Variants in KCNMB2 observed in about 807,000 individuals in gnomAD.
KCNMB2 encodes the protein calcium-activated potassium channel subunit beta-2.
KCNMB2 carries 9 observed loss-of-function variants against 24.5 expected under a neutral mutation model. That is an observed-to-expected ratio of 0.37 (90% CI 0.22 to 0.64). The LOEUF (loss-of-function observed/expected upper bound fraction) is 0.64. Ranked by LOEUF, KCNMB2 falls within the 30% of genes least tolerant of loss-of-function variation. The pLI, the probability that KCNMB2 is intolerant of heterozygous loss-of-function variation, is 0.63. For synonymous variants in KCNMB2, 109 were observed against 104.4 expected, an observed-to-expected ratio of 1.04 and a Z score of -0.27; for missense variants, 226 against 284.3, an observed-to-expected ratio of 0.79 and a Z score of 1.47.
chr3:178,709,771 A>T (rs1398248297), intron 1 of KCNMB2, among the ~76,000 whole-genome samples: 1 of 152,146 alleles, frequency 6.6e-6, no homozygotes, highest in Non-Finnish European at 1.5e-5. Flanking sequence ...CAATCCTGGT[A>T]TTTGTTTCCC....
chr3:178,598,604 G>C (rs1717963795), intron 1 of KCNMB2, among the ~76,000 whole-genome samples: 1 of 152,008 alleles, frequency 6.6e-6, no homozygotes, highest in Non-Finnish European at 1.5e-5. Context: ...GAAGGAACCA[G>C]CATGGAACTG....
rs369629174 is a variant in KCNMB2 at position 178,758,649 on chromosome 3, T to G, written c.-67-48694T>G. Among the ~76,000 whole-genome samples the G allele has an allele frequency of 2.2e-4, 11 of 49,452 alleles. 1 individual carries two copies. Among genetic ancestry groups the G allele is most frequent in the Non-Finnish European group, 4.6e-4 (11 of 23,918 alleles). The allele number at this position is 49,452 out of a possible 152,430, so 32.4% of individuals were successfully genotyped here. A position where few individuals can be genotyped will look rare whatever the true frequency, so the allele number is the denominator to read the frequency against. ...ATATATATCTCTCTCTCCAAGAGGA[T>G]ATATATATATCTCTCTCCAAGAGGA... On this transcript the variant is annotated intron_variant, in intron 1 of 4. Coordinates refer to ENST00000452583, the MANE Select transcript of KCNMB2 (RefSeq NM_181361.3).
chr3:178,616,734 T>C (rs1577051611), intron 1 of KCNMB2, among the ~76,000 whole-genome samples: 1 of 152,202 alleles, frequency 6.6e-6, no homozygotes. Flanking sequence ...GAAGCTTCTA[T>C]CTCACCATCT....
intron 1 of KCNMB2, among the ~76,000 whole-genome samples, chr3:178,537,779 C>T (rs1418105221): frequency 6.6e-6 from 1 of 152,128 alleles, no homozygotes; most frequent in South Asian, 2.1e-4. Context: ...TTTCTCAGTG[C>T]TGTTGTGTTG....
chr3:178,720,639 C>T (rs1442203627), intron 1 of KCNMB2, among the ~76,000 whole-genome samples: 9 of 127,660 alleles, frequency 7.0e-5, no homozygotes, highest in Admixed American at 6.6e-4. Flanking sequence ...CTCTCCAGCA[C>T]CTGTTGTTTC....
intron 4 of KCNMB2, among the ~76,000 whole-genome samples, chr3:178,831,088 T>A (rs1193401394): frequency 7.4e-6 from 1 of 135,964 alleles, no homozygotes; most frequent in Non-Finnish European, 1.6e-5. Flanking sequence ...TTAATTTTTA[T>A]ATATGGATCA....
At chr3:178,653,836 T>C (rs1720224148) in intron 1 of KCNMB2, among the ~76,000 whole-genome samples, 1 of 152,168 alleles carries the variant, frequency 6.6e-6, no homozygotes, top group Admixed American at 6.5e-5. Flanking sequence ...TAACCATCAT[T>C]GAAATTGGCC....
chr3:178,838,880 T>C (rs1715328240), intron 4 of KCNMB2, among the ~76,000 whole-genome samples: 1 of 152,160 alleles, frequency 6.6e-6, no homozygotes, highest in Admixed American at 6.5e-5. Flanking sequence ...CAAAAATTGG[T>C]AAATGACAGT....
At chr3:178,634,969 G>T (rs1394077870) in intron 1 of KCNMB2, among the ~76,000 whole-genome samples, 1 of 152,088 alleles carries the variant, frequency 6.6e-6, no homozygotes, top group East Asian at 1.9e-4. Flanking sequence ...AGTTCAGTGG[G>T]GAGGAAAATT....
chr3:178,579,629 C>T (rs892106973), intron 1 of KCNMB2, among the ~76,000 whole-genome samples: 1 of 151,902 alleles, frequency 6.6e-6, no homozygotes, highest in Non-Finnish European at 1.5e-5. Flanking sequence ...ACTCTCCAGG[C>T]TAATAAAGAA....
chr3:178,649,208 A>G lies in KCNMB2; in HGVS notation c.-68+112497A>G, dbSNP rs114951589. ...TTCATTGAATATAATTTTTGTTTGGATGTAAATCAGTTCATCATCTTTGCT... is the reference window on the plus strand; with the variant it reads ...TTCATTGAATATAATTTTTGTTTGGGTGTAAATCAGTTCATCATCTTTGCT... On this transcript the variant is annotated intron_variant, in intron 1 of 4. Transcript: ENST00000452583. Among the ~76,000 whole-genome samples the G allele has an allele frequency of 7.2e-3, 1,097 of 151,998 alleles. 14 individuals carry two copies. The highest frequency in any genetic ancestry group is 0.026 in the African/African-American group (1,066 of 41,470).
At chr3:178,679,135 T>G (rs1721179813) in intron 1 of KCNMB2, among the ~76,000 whole-genome samples, 1 of 152,200 alleles carries the variant, frequency 6.6e-6, no homozygotes, top group Non-Finnish European at 1.5e-5. Context: ...ATTTATCAGT[T>G]TTTTTATTTG....
chr3:178,757,230 T>C (rs1262048291), intron 1 of KCNMB2: 1 of 146,440 alleles, frequency 6.8e-6, no homozygotes, highest in African/African-American at 2.5e-5. Context: ...GTGAAAATTG[T>C]GGTACACACA....
intron 1 of KCNMB2, among the ~76,000 whole-genome samples, chr3:178,777,151 G>A (rs1009529773): frequency 5.3e-5 from 8 of 152,120 alleles, no homozygotes; most frequent in African/African-American, 1.9e-4. Context: ...GTAAAGAAAT[G>A]TTGGCCAGGC....
chr3:178,630,252 C>A (rs1719268914), intron 1 of KCNMB2, among the ~76,000 whole-genome samples: 1 of 152,182 alleles, frequency 6.6e-6, no homozygotes, highest in Non-Finnish European at 1.5e-5. Context: ...CCCTCCTTCT[C>A]CCACAATTTC....
chr3:178,760,099 TATATATATATCCA>T (rs1711738128), intron 1 of KCNMB2, among the ~76,000 whole-genome samples: 1 of 44,884 alleles, frequency 2.2e-5, no homozygotes, highest in East Asian at 4.5e-4. Context: ...TATCTATATA[TATATATATATCCA>T]AGAGGATATA....
chr3:178,539,068 C>T (rs1244171947), intron 1 of KCNMB2, among the ~76,000 whole-genome samples: 10 of 152,164 alleles, frequency 6.6e-5, no homozygotes, highest in Non-Finnish European at 8.8e-5. Flanking sequence ...TCGTATCAGT[C>T]ACCAAGACAC....
intron 1 of KCNMB2, among the ~76,000 whole-genome samples, chr3:178,602,096 C>T (rs1718102078): frequency 6.6e-6 from 1 of 152,070 alleles, no homozygotes; most frequent in African/African-American, 2.4e-5. Context: ...CAGGATAATA[C>T]CCTAATATCA....
At chr3:178,757,885 A>C (rs1239354279) in intron 1 of KCNMB2, among the ~76,000 whole-genome samples, 1 of 97,604 alleles carries the variant, frequency 1.0e-5, no homozygotes, top group Non-Finnish European at 2.2e-5. Context: ...AAGAGGATAC[A>C]TATATATATC....
Sources: gnomAD v4.1 joint callset for allele counts (sites outside exome capture counted in the v4.1 genomes callset) on GRCh38, gnomAD v4.1.1 for gene constraint, MANE v1.5 for transcripts, NCBI Gene and HGNC (gene_info 2026-07-23, HGNC 2026-07-21) for gene names.